The following PIK3CB variants were observed in gnomAD, a reference collection of about 807,000 sequenced individuals.
PIK3CB encodes phosphatidylinositol 4,5-bisphosphate 3-kinase catalytic subunit beta isoform.
In PIK3CB, 39 loss-of-function variants were observed where a neutral mutation model predicts 136.8. That is an observed-to-expected ratio of 0.29 (90% CI 0.22 to 0.37). The LOEUF (loss-of-function observed/expected upper bound fraction) is 0.37, where lower values mean the gene tolerates loss of function less well. Ranked by LOEUF, PIK3CB falls within the 10% of genes least tolerant of loss-of-function variation. PIK3CB has a pLI of 1.00. For synonymous variants in PIK3CB, 428 were observed against 436.6 expected (o/e 0.98, Z 0.25); for missense variants, 868 against 1,275.4 (o/e 0.68, Z 4.87).
intron 2 of PIK3CB, among the ~76,000 whole-genome samples, chr3:138,763,712 A>T (rs1201067349): frequency 6.6e-6 from 1 of 152,216 alleles, no homozygotes; most frequent in South Asian, 2.1e-4. Context: ...TTTCAAAGAG[A>T]CTGACTGCAT....
chr3:138,661,167 G>A (rs1017278950), intron 21 of PIK3CB, among the ~76,000 whole-genome samples: 2 of 152,178 alleles, frequency 1.3e-5, no homozygotes, highest in African/African-American at 2.4e-5. Flanking sequence ...ACCCTTTCTT[G>A]TAGTCTCTGT....
chr3:138,785,059 G>A (rs2045962462), intron 2 of PIK3CB, among the ~76,000 whole-genome samples: 1 of 152,122 alleles, frequency 6.6e-6, no homozygotes, highest in East Asian at 1.9e-4. Flanking sequence ...TCTGGGAAGT[G>A]AAGAGCATCT....
intron 2 of PIK3CB, among the ~76,000 whole-genome samples, chr3:138,794,261 C>A (rs780466501): frequency 8.5e-5 from 13 of 152,164 alleles, no homozygotes; most frequent in Non-Finnish European, 2.9e-5. Context: ...CAGCACCCAG[C>A]ATCTTGTGAG....
chr3:138,760,046 C>A (rs769204028), intron 2 of PIK3CB, among the ~76,000 whole-genome samples: 1 of 152,064 alleles, frequency 6.6e-6, no homozygotes, highest in East Asian at 1.9e-4. Flanking sequence ...CTCAGCCTCC[C>A]GAGTAGCTGA....
At chr3:138,828,478 C>A (rs1033929629) in intron 1 of PIK3CB, among the ~76,000 whole-genome samples, 11 of 152,072 alleles carry the variant, frequency 7.2e-5, no homozygotes, top group African/African-American at 2.7e-4. Context: ...AACCACAGCG[C>A]CCAGCCCCAT....
intron 4 of PIK3CB, among the ~76,000 whole-genome samples, chr3:138,751,462 A>C (rs563221318): frequency 3.3e-5 from 5 of 152,168 alleles, no homozygotes; most frequent in African/African-American, 1.2e-4. Flanking sequence ...CATCTCAAAA[A>C]AAAAAAAGAA....
chr3:138,702,616 C>T (rs1194286537), intron 12 of PIK3CB, among the ~76,000 whole-genome samples: 1 of 152,154 alleles, frequency 6.6e-6, no homozygotes, highest in East Asian at 1.9e-4. Context: ...GTAACTATAT[C>T]TCCTAAGCTT....
chr3:138,788,680 A>AG (rs1553740752), intron 2 of PIK3CB, among the ~76,000 whole-genome samples: 1,945 of 126,206 alleles, frequency 0.015, 108 homozygotes, highest in African/African-American at 0.059. Context: ...AAAAAAAAAA[A>AG]GGCCAGGGGC....
At chr3:138,683,895 G>A in intron 17 of PIK3CB, 108 bp from the exon 18 acceptor site, 1 of 668,188 alleles carries the variant, frequency 1.5e-6, no homozygotes, top group Non-Finnish European at 2.7e-6. Context: ...ATTCCTGTCA[G>A]GTCTGCAGAA....
intron 20 of PIK3CB, among the ~76,000 whole-genome samples, chr3:138,664,250 T>G (rs1350582356): frequency 6.6e-6 from 1 of 151,814 alleles, no homozygotes; most frequent in Non-Finnish European, 1.5e-5. Flanking sequence ...AACTGGGCCT[T>G]AGATATTCAA....
chr3:138,654,231 A>G lies in PIK3CB; in HGVS notation c.*1158T>C. On this transcript the variant is annotated 3_prime_UTR_variant, in exon 24 of 24. Transcript: ENST00000674063. The stretch of plus-strand genomic sequence containing the variant: ...TTTGCTGGATGTTGCCAGGACTCAG[A>G]GAGATCACCCATTTACACATTCAAA... 1 of 214,704 alleles carries G rather than the reference A, an allele frequency of 4.7e-6. No homozygotes were observed. Among genetic ancestry groups the G allele is most frequent in the Non-Finnish European group, 9.4e-6 (1 of 106,478 alleles). 13.3% of individuals were successfully genotyped at this position (214,704 alleles called of 1,614,324 possible).
rs559643872 is a variant in PIK3CB at position 138,796,502 on chromosome 3, A to G, written c.-56T>C. On this transcript the variant is annotated 5_prime_UTR_variant, in exon 2 of 24. Transcript: ENST00000674063. The stretch of plus-strand genomic sequence containing the variant: ...CCCCATTTCAGTCTTTTAGGAAAAC[A>G]GATGGCATTACTTATTTTTTAAAAG... 6.6e-6 allele frequency: 1 copy of G among 152,262 alleles called. No homozygotes were observed. Among genetic ancestry groups the G allele is most frequent in the Non-Finnish European group, 1.5e-5 (1 of 68,006 alleles). The allele number at this position is 152,262 out of a possible 1,614,324, so 9.4% of individuals were successfully genotyped here.
intron 18 of PIK3CB, among the ~76,000 whole-genome samples, chr3:138,682,342 C>T (rs1165281888): frequency 1.3e-5 from 2 of 152,126 alleles, no homozygotes; most frequent in Non-Finnish European, 2.9e-5. Context: ...TTCTACCTCC[C>T]GAGGCTGACA....
chr3:138,694,738 C>A (rs1436039066), intron 14 of PIK3CB, 48 bp downstream of exon 14: 1 of 1,596,758 alleles, frequency 6.3e-7, no homozygotes, highest in Non-Finnish European at 8.5e-7. Context: ...CATCCCAAAC[C>A]CACCCAAGTT....
At chr3:138,830,373 A>G (rs1933972552) in intron 1 of PIK3CB, among the ~76,000 whole-genome samples, 1 of 151,816 alleles carries the variant, frequency 6.6e-6, no homozygotes, top group African/African-American at 2.4e-5. Context: ...AATATGGTGA[A>G]ACCCTGTCTC....
chr3:138,681,919 G>T (rs1577066951), intron 19 of PIK3CB, 48 bp downstream of exon 19: 1 of 1,090,344 alleles, frequency 9.2e-7, no homozygotes, highest in Non-Finnish European at 1.4e-6. Flanking sequence ...AGATATTTTT[G>T]CTATGGGAAG....
intron 9 of PIK3CB, among the ~76,000 whole-genome samples, chr3:138,712,569 ATTT>A (rs112800043): frequency 2.1e-5 from 3 of 141,570 alleles, no homozygotes; most frequent in Non-Finnish European, 1.6e-5. Flanking sequence ...TGTGAAAATG[ATTT>A]TTTTTTTTTT....
chr3:138,677,864 T>C (rs1336822675), intron 19 of PIK3CB, among the ~76,000 whole-genome samples: 1 of 152,166 alleles, frequency 6.6e-6, no homozygotes, highest in Non-Finnish European at 1.5e-5. Flanking sequence ...CATTGCACTC[T>C]GGCCTGGGCA....
intron 1 of PIK3CB, among the ~76,000 whole-genome samples, chr3:138,801,941 G>A (rs1559884119): frequency 6.6e-6 from 1 of 151,784 alleles, no homozygotes; most frequent in Non-Finnish European, 1.5e-5. Flanking sequence ...AGCCACTTGG[G>A]AGGCTGAGGC....
Sources: allele counts gnomAD v4.1 joint callset (sites outside exome capture counted in the v4.1 genomes callset), GRCh38; gene constraint gnomAD v4.1.1; transcripts MANE v1.5; gene names NCBI Gene and HGNC (gene_info 2026-07-23, HGNC 2026-07-21).